CTNNA3: variants seen among roughly 807,000 people sequenced by gnomAD.
CTNNA3 encodes catenin alpha-3.
In CTNNA3, 76 loss-of-function variants were observed where a neutral mutation model predicts 95.7. The observed-to-expected ratio is 0.79, with a 90% CI of 0.66 to 0.96. The LOEUF (loss-of-function observed/expected upper bound fraction) is 0.96, where lower values mean the gene tolerates loss of function less well. Among genes scored for constraint, CTNNA3 ranks in the 40% least tolerant of loss-of-function variants. The pLI, the probability that CTNNA3 is intolerant of heterozygous loss-of-function variation, is 0.00. For missense variants in CTNNA3, 1,191 were observed against 1,089.8 expected (o/e 1.09, Z -1.31); for synonymous variants, 431 against 374.4 (o/e 1.15, Z -1.74).
At chr10:67,538,070 C>A (rs757487986) in intron 4 of CTNNA3, among the ~76,000 whole-genome samples, 6 of 148,316 alleles carry the variant, frequency 4.0e-5, no homozygotes, top group Non-Finnish European at 7.4e-5. Flanking sequence ...TAACAGAAAC[C>A]TTTGCTCAAT....
At chr10:66,200,227 A>C in intron 13 of CTNNA3, among the ~76,000 whole-genome samples, 2 of 132,340 alleles carry the variant, frequency 1.5e-5, no homozygotes, top group East Asian at 2.6e-4. Flanking sequence ...AGGGAAGGGA[A>C]GGTAAGGGAA....
intron 16 of CTNNA3, among the ~76,000 whole-genome samples, chr10:65,967,843 A>G (rs1314661578): frequency 1.3e-5 from 2 of 152,216 alleles, no homozygotes; most frequent in African/African-American, 4.8e-5. Context: ...TTTTATAAGA[A>G]CAAGGAAATG....
chr10:66,052,886 G>GAGGT (rs1341326278), intron 15 of CTNNA3, among the ~76,000 whole-genome samples: 1 of 152,052 alleles, frequency 6.6e-6, no homozygotes, highest in Non-Finnish European at 1.5e-5. Flanking sequence ...GAGACATGAC[G>GAGGT]AGGTTGAGGA....
At chr10:67,740,379 A>G (rs2133640170) in intron 1 of CTNNA3, among the ~76,000 whole-genome samples, 1 of 151,726 alleles carries the variant, frequency 6.6e-6, no homozygotes, top group Non-Finnish European at 1.5e-5. Context: ...GCAACCCACA[A>G]AATGGGAGAA....
chr10:66,690,102 A>G (rs1437847573), intron 9 of CTNNA3, among the ~76,000 whole-genome samples: 1 of 152,152 alleles, frequency 6.6e-6, no homozygotes, highest in Non-Finnish European at 1.5e-5. Flanking sequence ...AAAGCTTAAT[A>G]AAGTATCCCT....
chr10:66,535,288 T>C (rs1841612931), intron 10 of CTNNA3, among the ~76,000 whole-genome samples: 1 of 152,188 alleles, frequency 6.6e-6, no homozygotes, highest in South Asian at 2.1e-4. Flanking sequence ...ATCTGCAATT[T>C]GTAATTTAAA....
chr10:66,063,481 T>C (rs2080252193), intron 15 of CTNNA3, among the ~76,000 whole-genome samples: 1 of 151,600 alleles, frequency 6.6e-6, no homozygotes. Context: ...GAAATTTCTT[T>C]CACTTTTTTT....
Position 67,219,806 on chromosome 10 carries a change from G to A in CTNNA3, c.644C>T (p.Ser215Phe), listed in dbSNP as rs146441824. 16 of 1,613,768 alleles carry A rather than the reference G, an allele frequency of 9.9e-6. No individual in the cohort carries two copies. In the African/African-American group the frequency reaches 1.5e-4, roughly 15 times the overall value. Residue 215 changes from serine (S) to phenylalanine (F), a missense_variant, in exon 6 of 18, where the codon TCT becomes TTT. Transcript: ENST00000433211. ...TGAACAAATTGAATGCAAGAGGGGAGAGTTCTCCTTCAGTGAAGCTCGGGC... is the reference window on the plus strand; with the variant it reads ...TGAACAAATTGAATGCAAGAGGGGAAAGTTCTCCTTCAGTGAAGCTCGGGC... Reference protein sequence around the residue: ...AGARASLKENSPLLHSICSAC... With the variant: ...AGARASLKENFPLLHSICSAC...
intron 14 of CTNNA3, among the ~76,000 whole-genome samples, chr10:66,075,695 G>C (rs1372202328): frequency 1.3e-5 from 2 of 151,678 alleles, no homozygotes; most frequent in Non-Finnish European, 3.0e-5. Context: ...ATTCTCAGAA[G>C]CCCCAGAATC....
At chr10:66,455,984 A>T (rs1404174710) in intron 11 of CTNNA3, among the ~76,000 whole-genome samples, 1 of 152,218 alleles carries the variant, frequency 6.6e-6, no homozygotes, top group Non-Finnish European at 1.5e-5. Flanking sequence ...ATTTGGTATA[A>T]ATCTGGCAAA....
chr10:66,374,765 C>T (rs544309505), intron 12 of CTNNA3, among the ~76,000 whole-genome samples: 43 of 152,038 alleles, frequency 2.8e-4, no homozygotes, highest in African/African-American at 1.0e-3. Flanking sequence ...CAGGCACATG[C>T]TACAACACCC....
At chr10:66,999,610 C>G (rs905799704) in intron 7 of CTNNA3, among the ~76,000 whole-genome samples, 3 of 152,068 alleles carry the variant, frequency 2.0e-5, no homozygotes, top group Admixed American at 6.6e-5. Flanking sequence ...AAATGCCAAC[C>G]TATAAATGGT....
chr10:66,120,369 T>C (rs910607579), intron 13 of CTNNA3, among the ~76,000 whole-genome samples: 8 of 152,184 alleles, frequency 5.3e-5, no homozygotes, highest in Admixed American at 3.3e-4. Flanking sequence ...CATTCTGACT[T>C]ATGTCAATAA....
intron 7 of CTNNA3, among the ~76,000 whole-genome samples, chr10:67,157,239 C>G (rs1187282117): frequency 1.3e-5 from 2 of 152,064 alleles, no homozygotes; most frequent in Admixed American, 1.3e-4. Context: ...CACAAATACA[C>G]CAATGTTAGA....
intron 6 of CTNNA3, among the ~76,000 whole-genome samples, chr10:67,195,258 A>G (rs776676894): frequency 3.3e-5 from 5 of 152,110 alleles, no homozygotes; most frequent in Non-Finnish European, 5.9e-5. Context: ...TGAAATAAAT[A>G]TGGATACTTA....
chr10:66,850,431 T>C (rs942800683), intron 7 of CTNNA3, among the ~76,000 whole-genome samples: 27 of 152,192 alleles, frequency 1.8e-4, no homozygotes, highest in Admixed American at 3.3e-4. Context: ...AGAGTTTTTC[T>C]TTTTTAAAAA....
At chr10:66,863,813 T>G (rs1214706137) in intron 7 of CTNNA3, among the ~76,000 whole-genome samples, 2 of 152,254 alleles carry the variant, frequency 1.3e-5, no homozygotes, top group East Asian at 3.9e-4. Flanking sequence ...GACCTCCTAG[T>G]GATCTGGTGT....
chr10:66,695,645 C>A (rs1210616153), intron 9 of CTNNA3, among the ~76,000 whole-genome samples: 3 of 151,854 alleles, frequency 2.0e-5, no homozygotes, highest in Non-Finnish European at 4.4e-5. Flanking sequence ...GAAGTTGTTG[C>A]AAGGAAAGAA....
chr10:67,513,444 C>T (rs1839705338), intron 5 of CTNNA3, among the ~76,000 whole-genome samples: 1 of 152,204 alleles, frequency 6.6e-6, no homozygotes, highest in Non-Finnish European at 1.5e-5. Context: ...TGTAGAGTGG[C>T]TGGAGGCTTG....
Sources: gnomAD v4.1 joint callset for allele counts (sites outside exome capture counted in the v4.1 genomes callset) on GRCh38, gnomAD v4.1.1 for gene constraint, MANE v1.5 for transcripts, NCBI Gene and HGNC (gene_info 2026-07-23, HGNC 2026-07-21) for gene names.